The following DAP variants were observed in gnomAD, a reference collection of about 807,000 sequenced individuals.
The protein encoded by DAP is death-associated protein 1.
DAP carries 8 observed loss-of-function variants against 13.8 expected under a neutral mutation model. The observed-to-expected ratio is 0.58, with a 90% CI of 0.34 to 1.05. DAP has a LOEUF of 1.05. Ranked by LOEUF, DAP falls within the 50% of genes least tolerant of loss-of-function variation. The pLI is 0.03. For synonymous variants in DAP, 47 were observed against 47.5 expected (o/e 0.99, Z 0.04); for missense variants, 106 against 133.2 (o/e 0.80, Z 1.01).
At chr5:10,736,740 C>A (rs867883744) in intron 2 of DAP, among the ~76,000 whole-genome samples, 5 of 152,210 alleles carry the variant, frequency 3.3e-5, no homozygotes, top group South Asian at 2.1e-4. Flanking sequence ...CGGGAATCTT[C>A]CTGATTCTCC....
At chr5:10,712,025 G>A (rs772559502) in intron 2 of DAP, among the ~76,000 whole-genome samples, 13 of 152,152 alleles carry the variant, frequency 8.5e-5, no homozygotes, top group East Asian at 1.9e-4. Flanking sequence ...GAATCTCTGA[G>A]TGTGACTCTA....
intron 2 of DAP, among the ~76,000 whole-genome samples, chr5:10,722,490 A>G (rs188361027): frequency 6.7e-6 from 1 of 149,776 alleles, no homozygotes; most frequent in African/African-American, 2.5e-5. Flanking sequence ...CTCTCTCTCT[A>G]TATATATACA....
intron 1 of DAP, 25 bp downstream of exon 1, chr5:10,760,988 TG>T: frequency 8.3e-7 from 1 of 1,205,466 alleles, no homozygotes; most frequent in Non-Finnish European, 1.0e-6. Context: ...CACCCGCGCG[TG>T]GAGAGAGAGG....
chr5:10,686,563 A>AAAAG (rs1407659827), intron 2 of DAP, among the ~76,000 whole-genome samples: 1 of 152,234 alleles, frequency 6.6e-6, no homozygotes, highest in Non-Finnish European at 1.5e-5. Context: ...TGGTCTGGAT[A>AAAAG]AAAGACAAGC....
chr5:10,703,588 A>T (rs1478195892), intron 2 of DAP, among the ~76,000 whole-genome samples: 2 of 152,280 alleles, frequency 1.3e-5, no homozygotes, highest in East Asian at 3.8e-4. Flanking sequence ...ATGCCAAAGG[A>T]TCCATAAGGG....
At chr5:10,737,749 C>G (rs536296085) in intron 2 of DAP, among the ~76,000 whole-genome samples, 1 of 152,340 alleles carries the variant, frequency 6.6e-6, no homozygotes, top group South Asian at 2.1e-4. Flanking sequence ...TTGGCATCTG[C>G]TACGGGTTGA....
At chr5:10,706,846 C>T (rs1204433690) in intron 2 of DAP, among the ~76,000 whole-genome samples, 1 of 151,790 alleles carries the variant, frequency 6.6e-6, no homozygotes, top group Non-Finnish European at 1.5e-5. Context: ...AAGGGCTCAG[C>T]ATTCCAGAAA....
intron 2 of DAP, among the ~76,000 whole-genome samples, chr5:10,747,059 A>C (rs1015286495): frequency 1.3e-5 from 2 of 152,192 alleles, no homozygotes; most frequent in Non-Finnish European, 2.9e-5. Flanking sequence ...ACCACCTACT[A>C]TTCAGGACTG....
intron 2 of DAP, among the ~76,000 whole-genome samples, chr5:10,689,575 T>C (rs1234972604): frequency 6.6e-6 from 1 of 152,130 alleles, no homozygotes; most frequent in African/African-American, 2.4e-5. Flanking sequence ...AGACAGAGGA[T>C]GTCAATGAAA....
intron 2 of DAP, among the ~76,000 whole-genome samples, chr5:10,687,144 T>C (rs182139212): frequency 6.6e-6 from 1 of 152,340 alleles, no homozygotes; most frequent in Non-Finnish European, 1.5e-5. Context: ...TGTTGAGACC[T>C]ACTGCTCAGA....
intron 2 of DAP, among the ~76,000 whole-genome samples, chr5:10,744,308 A>G (rs1345221507): frequency 1.3e-5 from 2 of 152,370 alleles, no homozygotes; most frequent in East Asian, 1.9e-4. Flanking sequence ...CTTTAGGATC[A>G]GGGTAATGTG....
intron 2 of DAP, among the ~76,000 whole-genome samples, chr5:10,694,898 C>G (rs763860484): frequency 1.3e-5 from 2 of 152,212 alleles, no homozygotes; most frequent in Non-Finnish European, 2.9e-5. Context: ...CTTGTTTTGA[C>G]TCTGCTCAGA....
intron 2 of DAP, among the ~76,000 whole-genome samples, chr5:10,715,129 A>G (rs1738951485): frequency 6.6e-6 from 1 of 152,280 alleles, no homozygotes; most frequent in South Asian, 2.1e-4. Flanking sequence ...GCTTGTGTCC[A>G]AAGTGCAGGG....
chr5:10,685,611 G>A (rs1389843336), intron 2 of DAP, among the ~76,000 whole-genome samples: 2 of 152,188 alleles, frequency 1.3e-5, no homozygotes, highest in Non-Finnish European at 2.9e-5. Flanking sequence ...AGCAGGGATG[G>A]CCCCACTCTG....
At chr5:10,692,753 C>G (rs1738336539) in intron 2 of DAP, among the ~76,000 whole-genome samples, 1 of 152,200 alleles carries the variant, frequency 6.6e-6, no homozygotes, top group African/African-American at 2.4e-5. Flanking sequence ...CCCTGGGCTA[C>G]AGAGAGCAGG....
At chr5:10,715,482 T>C (rs1429288257) in intron 2 of DAP, among the ~76,000 whole-genome samples, 1 of 152,196 alleles carries the variant, frequency 6.6e-6, no homozygotes, top group Non-Finnish European at 1.5e-5. Context: ...GGGGGCTTCC[T>C]ACAGCAAAAT....
At chr5:10,701,139 A>G (rs2918395) in intron 2 of DAP, among the ~76,000 whole-genome samples, 37,916 of 152,194 alleles carry the variant, frequency 0.25, 4,967 homozygotes, top group Middle Eastern at 0.37. Context: ...ACCTGAAGCA[A>G]CCATTGGCTA....
chr5:10,681,392 GGT>G (rs1737993711), intron 3 of DAP, among the ~76,000 whole-genome samples: 2 of 143,714 alleles, frequency 1.4e-5, no homozygotes, highest in African/African-American at 2.6e-5. Context: ...GGAAGCATGG[GGT>G]TTGTATGTGA....
At chr5:10,717,943 A>T (rs1739035271) in intron 2 of DAP, among the ~76,000 whole-genome samples, 1 of 152,186 alleles carries the variant, frequency 6.6e-6, no homozygotes, top group Admixed American at 6.5e-5. Flanking sequence ...AGAAAAACAG[A>T]ATCACGGCTC....
Sources: allele counts gnomAD v4.1 joint callset (sites outside exome capture counted in the v4.1 genomes callset), GRCh38; gene constraint gnomAD v4.1.1; transcripts MANE v1.5; gene names NCBI Gene and HGNC (gene_info 2026-07-23, HGNC 2026-07-21).